GSTCD: variants seen among roughly 807,000 people sequenced by gnomAD.
GSTCD encodes glutathione S-transferase C-terminal domain-containing protein.
In GSTCD, 44 loss-of-function variants were observed where a neutral mutation model predicts 68.3. The observed-to-expected ratio is 0.64, with a 90% CI of 0.51 to 0.83. The LOEUF (loss-of-function observed/expected upper bound fraction) is 0.83, where lower values mean the gene tolerates loss of function less well. GSTCD is among the 40% of genes least tolerant of loss of function. GSTCD has a pLI of 0.00. For missense variants in GSTCD, 739 were observed against 735.9 expected, an observed-to-expected ratio of 1.00 and a Z score of -0.05; for synonymous variants, 273 against 255.2, an observed-to-expected ratio of 1.07 and a Z score of -0.67.
chr4:105,723,878 A>G (rs936278703), intron 3 of GSTCD, among the ~76,000 whole-genome samples: 3 of 151,828 alleles, frequency 2.0e-5, no homozygotes, highest in Non-Finnish European at 4.4e-5. Context: ...CTCTGAAGGT[A>G]ACAAATGGAT....
intron 5 of GSTCD, among the ~76,000 whole-genome samples, chr4:105,744,704 ACAG>A (rs1259716730): frequency 6.6e-6 from 1 of 152,196 alleles, no homozygotes; most frequent in Admixed American, 6.5e-5. Flanking sequence ...ACAACATATT[ACAG>A]GCTTATCTTA....
At chr4:105,788,118 C>T (rs1011214477) in intron 5 of GSTCD, among the ~76,000 whole-genome samples, 1 of 151,906 alleles carries the variant, frequency 6.6e-6, no homozygotes, top group Non-Finnish European at 1.5e-5. Flanking sequence ...TGTTTTGTTT[C>T]CTTTTTTCCT....
chr4:105,793,795 T>C (rs557559263), intron 5 of GSTCD, among the ~76,000 whole-genome samples: 1 of 152,164 alleles, frequency 6.6e-6, no homozygotes, highest in South Asian at 2.1e-4. Flanking sequence ...TAGTATAGCA[T>C]GAAGCCCACC....
intron 5 of GSTCD, among the ~76,000 whole-genome samples, chr4:105,740,843 C>T (rs1418196845): frequency 2.6e-5 from 4 of 151,914 alleles, no homozygotes; most frequent in African/African-American, 9.7e-5. Flanking sequence ...TAGCAAATAC[C>T]CTCAGGGCAG....
intron 5 of GSTCD, among the ~76,000 whole-genome samples, chr4:105,776,679 C>T (rs1188635301): frequency 6.6e-6 from 1 of 152,166 alleles, no homozygotes; most frequent in Non-Finnish European, 1.5e-5. Flanking sequence ...ACTGTCTAAC[C>T]AGTCCCAATG....
intron 5 of GSTCD, among the ~76,000 whole-genome samples, chr4:105,775,774 GGT>G (rs1213616552): frequency 3.3e-5 from 5 of 152,200 alleles, no homozygotes; most frequent in African/African-American, 9.7e-5. Context: ...TTTTGTATGA[GGT>G]GTCTGTTGAC....
intron 8 of GSTCD, among the ~76,000 whole-genome samples, chr4:105,827,786 G>C (rs995914082): frequency 1.3e-5 from 2 of 151,910 alleles, no homozygotes; most frequent in African/African-American, 4.8e-5. Context: ...CTTAGTAAAT[G>C]CTTTATTTTT....
intron 5 of GSTCD, among the ~76,000 whole-genome samples, chr4:105,767,939 T>G (rs1734684791): frequency 6.6e-6 from 1 of 152,136 alleles, no homozygotes. Flanking sequence ...TGTGTTTTTT[T>G]TCATGAAAGA....
intron 8 of GSTCD, among the ~76,000 whole-genome samples, chr4:105,832,523 A>G (rs925051292): frequency 6.6e-6 from 1 of 151,890 alleles, no homozygotes; most frequent in African/African-American, 2.4e-5. Context: ...TAAATTTTCT[A>G]AACTCTTTTT....
At chr4:105,809,890 T>C (rs1298342423) in intron 5 of GSTCD, among the ~76,000 whole-genome samples, 9 of 152,046 alleles carry the variant, frequency 5.9e-5, no homozygotes, top group Non-Finnish European at 1.2e-4. Flanking sequence ...AATTAATGGG[T>C]TATTTATAGT....
chr4:105,840,169 G>C (rs971679235), intron 10 of GSTCD: 2 of 454,610 alleles, frequency 4.4e-6, no homozygotes, highest in African/African-American at 2.0e-5. Flanking sequence ...AGACTTATCA[G>C]TACAAGAGAA....
At chr4:105,840,038 T>A (rs1405173866) in intron 10 of GSTCD, among the ~76,000 whole-genome samples, 2 of 152,224 alleles carry the variant, frequency 1.3e-5, no homozygotes, top group Non-Finnish European at 1.5e-5. Flanking sequence ...GGAAGTGTTT[T>A]TCTCTGCAGT....
chr4:105,726,799 G>A lies in GSTCD; in HGVS notation c.1115G>A (p.Gly372Glu). ...GAGCAAAGCGATCCTTTATTTATAG[G>A]AGGACCAAGACCAACCATGGCCAAG... The part of the protein sequence containing the change: ...VEEQSDPLFI[G>E]GPRPTMAKLM... Residue 372 changes from glycine to glutamate, a missense_variant, in exon 4 of 12, where the codon GGA becomes GAA. Physicochemically the swap from Gly to Glu is moderately conservative, Grantham distance 98 (BLOSUM62 -2). Coordinates refer to ENST00000515279, the MANE Select transcript of GSTCD (RefSeq NM_001370181.1). 1 of 1,613,090 alleles carries A rather than the reference G, an allele frequency of 6.2e-7. No homozygotes were observed.
intron 5 of GSTCD, chr4:105,746,333 A>G (rs1162522847): frequency 1.3e-5 from 2 of 152,212 alleles, no homozygotes; most frequent in African/African-American, 4.8e-5. Context: ...TAGGTAAGTT[A>G]AGGATGAGGA....
chr4:105,768,756 CCTA>C (rs1734717657), intron 5 of GSTCD, among the ~76,000 whole-genome samples: 1 of 151,436 alleles, frequency 6.6e-6, no homozygotes, highest in Non-Finnish European at 1.5e-5. Context: ...AGATTTATTT[CCTA>C]CTTCTAGCTG....
intron 5 of GSTCD, among the ~76,000 whole-genome samples, chr4:105,746,035 G>A (rs1733789217): frequency 6.6e-6 from 1 of 152,080 alleles, no homozygotes; most frequent in African/African-American, 2.4e-5. Context: ...CTACTTTAGA[G>A]TACAATTGAC....
chr4:105,801,708 A>G (rs1736111470), intron 5 of GSTCD, among the ~76,000 whole-genome samples: 2 of 152,022 alleles, frequency 1.3e-5, no homozygotes, highest in Admixed American at 6.6e-5. Context: ...AAAAATGGGT[A>G]ATTATGTTGG....
chr4:105,732,299 C>T (rs948500029), intron 5 of GSTCD, among the ~76,000 whole-genome samples: 13 of 152,208 alleles, frequency 8.5e-5, no homozygotes, highest in East Asian at 3.9e-4. Context: ...TGGTAGAATT[C>T]GGCTGTGAAT....
At chr4:105,779,348 A>G (rs1221916931) in intron 5 of GSTCD, among the ~76,000 whole-genome samples, 2 of 152,228 alleles carry the variant, frequency 1.3e-5, no homozygotes, top group Non-Finnish European at 2.9e-5. Context: ...CAGGAATAGC[A>G]TAGAAGTGAT....
Sources: gnomAD v4.1 joint callset for allele counts (sites outside exome capture counted in the v4.1 genomes callset) on GRCh38, gnomAD v4.1.1 for gene constraint, MANE v1.5 for transcripts, NCBI Gene and HGNC (gene_info 2026-07-23, HGNC 2026-07-21) for gene names.